Variants in CPPED1 observed in about 807,000 individuals in gnomAD.
CPPED1 encodes the protein serine/threonine-protein phosphatase CPPED1.
A neutral mutation model predicts 28.0 loss-of-function variants in CPPED1; 28 were observed. The observed-to-expected ratio is 1.00, with a 90% CI of 0.74 to 1.37. The LOEUF (loss-of-function observed/expected upper bound fraction) is 1.37. CPPED1 is among the 40% of genes most tolerant of loss of function. CPPED1 has a pLI of 0.00. For missense variants in CPPED1, 504 were observed against 416.5 expected (o/e 1.21, Z -1.83); for synonymous variants, 198 against 180.2 (o/e 1.10, Z -0.79).
At chr16:12,753,562 C>T (rs1232015166) in intron 2 of CPPED1, among the ~76,000 whole-genome samples, 2 of 152,164 alleles carry the variant, frequency 1.3e-5, no homozygotes, top group Non-Finnish European at 2.9e-5. Flanking sequence ...ATCTCCATGC[C>T]TAGACCCTCC....
intron 2 of CPPED1, among the ~76,000 whole-genome samples, chr16:12,724,184 G>C (rs1464291814): frequency 6.6e-6 from 1 of 152,134 alleles, no homozygotes; most frequent in Non-Finnish European, 1.5e-5. Context: ...GTGGCGGCCT[G>C]GATGGCAGAC....
intron 2 of CPPED1, among the ~76,000 whole-genome samples, chr16:12,769,256 T>C (rs1254118970): frequency 6.6e-6 from 1 of 152,180 alleles, no homozygotes; most frequent in African/African-American, 2.4e-5. Flanking sequence ...ATTATTACTA[T>C]ATCCAATAAT....
intron 2 of CPPED1, among the ~76,000 whole-genome samples, chr16:12,750,808 T>TA (rs2080322940): frequency 6.6e-6 from 1 of 151,986 alleles, no homozygotes; most frequent in Non-Finnish European, 1.5e-5. Context: ...CTGTCTCTAC[T>TA]AAAAGTACAA....
chr16:12,764,908 T>A (rs1383358673), intron 2 of CPPED1, among the ~76,000 whole-genome samples: 2 of 152,164 alleles, frequency 1.3e-5, no homozygotes, highest in Non-Finnish European at 2.9e-5. Flanking sequence ...GAGAAACAAA[T>A]GAGTAAATGA....
chr16:12,674,638 T>G (rs1406806020), intron 3 of CPPED1, among the ~76,000 whole-genome samples: 2 of 152,248 alleles, frequency 1.3e-5, no homozygotes, highest in East Asian at 3.9e-4. Flanking sequence ...AATGCACCTC[T>G]GTCCTAGGGA....
At chr16:12,770,168 C>T (rs9933205) in intron 2 of CPPED1, among the ~76,000 whole-genome samples, 2,630 of 152,272 alleles carry the variant, frequency 0.017, 86 homozygotes, top group African/African-American at 0.06. Flanking sequence ...CCTGGTCAGT[C>T]CCTGTCCCTG....
chr16:12,663,125 G>C lies in CPPED1; in HGVS notation c.*1761C>G, dbSNP rs2079805592. The C allele has an allele frequency of 6.8e-6, 1 of 147,940 alleles. No individual in the cohort carries two copies. The highest frequency in any genetic ancestry group is 2.0e-4 in the East Asian group (1 of 4,944). 9.2% of individuals were successfully genotyped at this position (147,940 alleles called of 1,614,324 possible). A position where few individuals can be genotyped will look rare whatever the true frequency, so the allele number is the denominator to read the frequency against. On this transcript the variant is annotated 3_prime_UTR_variant, in exon 4 of 4. Coordinates refer to ENST00000381774, the MANE Select transcript of CPPED1 (RefSeq NM_018340.3). ...TGCCCAGGCTGGAGTGCAGTGGCAT[G>C]ATCTTGGCTCACTGCAACCTCTGCC... is the stretch of plus-strand genomic sequence containing the variant.
intron 3 of CPPED1, among the ~76,000 whole-genome samples, chr16:12,667,276 G>T (rs1224710732): frequency 6.6e-6 from 1 of 152,148 alleles, no homozygotes; most frequent in Non-Finnish European, 1.5e-5. Flanking sequence ...ATTTAAGATT[G>T]TCTGACAAAT....
At chr16:12,735,175 C>T (rs34614954) in intron 2 of CPPED1, among the ~76,000 whole-genome samples, 78,057 of 152,024 alleles carry the variant, frequency 0.51, 20,764 homozygotes, top group Admixed American at 0.61. Flanking sequence ...AAATCTGCTC[C>T]CAACATACTC....
At chr16:12,801,324 C>G (rs2080657999) in intron 1 of CPPED1, among the ~76,000 whole-genome samples, 1 of 152,166 alleles carries the variant, frequency 6.6e-6, no homozygotes, top group African/African-American at 2.4e-5. Context: ...AACTCCTGAC[C>G]TCAGGTGATC....
intron 2 of CPPED1, among the ~76,000 whole-genome samples, chr16:12,722,430 T>C (rs1596460157): frequency 6.6e-6 from 1 of 152,220 alleles, no homozygotes; most frequent in Non-Finnish European, 1.5e-5. Context: ...GAAAGACTGC[T>C]GCCATACTTT....
At position 12,719,472 on chromosome 16, in the gene CPPED1, G is replaced by A. The variant is rs186622333; in HGVS notation, c.290-14423C>T. Among the ~76,000 whole-genome samples, 439 of 151,980 alleles carry A rather than the reference G, an allele frequency of 2.9e-3. 1 individual carries two copies. Among genetic ancestry groups the A allele is most frequent in the Admixed American group, 5.6e-3 (86 of 15,264 alleles). On this transcript the variant is annotated intron_variant, in intron 2 of 3. Coordinates refer to ENST00000381774, the MANE Select transcript of CPPED1 (RefSeq NM_018340.3). ...CCACCTAGCACCACCTCCTTGACAC[G>A]TGGGGATTATGCAAATATGCCTAGA...
chr16:12,787,952 T>A (rs1489210143), intron 1 of CPPED1, among the ~76,000 whole-genome samples: 1 of 152,040 alleles, frequency 6.6e-6, no homozygotes, highest in African/African-American at 2.4e-5. Context: ...GCAGGATCCG[T>A]TTCCAAGCTC....
At chr16:12,729,046 G>C (rs112108038) in intron 2 of CPPED1, among the ~76,000 whole-genome samples, 150 of 152,248 alleles carry the variant, frequency 9.9e-4, no homozygotes, top group African/African-American at 3.4e-3. Context: ...GGGTGTCTGT[G>C]AGTCCTCCTT....
At position 12,682,505 on chromosome 16, in the gene CPPED1, G is replaced by A. The variant is rs944189856; in HGVS notation, c.716-17390C>T. 6.6e-6 allele frequency among the ~76,000 whole-genome samples: 1 copy of A among 152,160 alleles called. No individual in the cohort carries two copies. Among genetic ancestry groups the A allele is most frequent in the Admixed American group, 6.5e-5 (1 of 15,278 alleles). ...TGGCAGCCTGGGGTGGGAGCTAGGG[G>A]TTGGGAGACTCAGGCGTGAACCTCA... On this transcript the variant is annotated intron_variant, in intron 3 of 3. Transcript: ENST00000381774. This position sits in a 1 kb window ranked among gnomAD's most constrained non-coding sequence, Gnocchi z 6.1.
chr16:12,708,805 T>C (rs1166291409), intron 2 of CPPED1, among the ~76,000 whole-genome samples: 1 of 152,104 alleles, frequency 6.6e-6, no homozygotes, highest in South Asian at 2.1e-4. Context: ...TGTGGCTGGG[T>C]GCAGTGGCTC....
chr16:12,712,171 C>A (rs1270253604), intron 2 of CPPED1, among the ~76,000 whole-genome samples: 1 of 152,188 alleles, frequency 6.6e-6, no homozygotes, highest in Non-Finnish European at 1.5e-5. Flanking sequence ...TGAGACAGTG[C>A]TTAGGCCCTT....
chr16:12,799,749 G>C (rs76979737), intron 1 of CPPED1, among the ~76,000 whole-genome samples: 4,712 of 152,272 alleles, frequency 0.031, 267 homozygotes, highest in African/African-American at 0.11. Context: ...CTAGTAATGT[G>C]AACCCACAAA....
intron 2 of CPPED1, among the ~76,000 whole-genome samples, chr16:12,713,515 G>C (rs2080090616): frequency 6.6e-6 from 1 of 152,060 alleles, no homozygotes; most frequent in African/African-American, 2.4e-5. Flanking sequence ...ACAGGCATGT[G>C]CCACAACACC....
Sources: allele counts gnomAD v4.1 joint callset (sites outside exome capture counted in the v4.1 genomes callset), GRCh38; gene constraint gnomAD v4.1.1; non-coding constraint Gnocchi (gnomAD v3.1); transcripts MANE v1.5; gene names NCBI Gene and HGNC (gene_info 2026-07-23, HGNC 2026-07-21).